The following ZNF610 variants were observed in gnomAD, a reference collection of about 807,000 sequenced individuals.
ZNF610 encodes the protein zink finger protein.
ZNF610 carries 14 observed loss-of-function variants against 14.1 expected under a neutral mutation model. That is an observed-to-expected ratio of 0.99 (90% CI 0.65 to 1.55). The LOEUF is 1.55. ZNF610 is among the 40% of genes most tolerant of loss of function. ZNF610 has a pLI of 0.00. For missense variants in ZNF610, 530 were observed against 558.0 expected (o/e 0.95, Z 0.51); for synonymous variants, 185 against 187.6 (o/e 0.99, Z 0.11).
At position 52,366,511 on chromosome 19, in the gene ZNF610, G is replaced by A. The variant is rs1432622295; in HGVS notation, c.1133G>A (p.Gly378Glu). Residue 378 changes from glycine to glutamate, a missense_variant, in exon 6 of 6, where the codon GGA becomes GAA. Physicochemically the swap from Gly to Glu is moderately conservative, Grantham distance 98. Coordinates refer to ENST00000403906, the MANE Select transcript of ZNF610 (RefSeq NM_001161425.2). ...AAGCCCTACAAATGTAACGAATGTG[G>A]AAGAGCATTTCACAAGCGTCCGGGC... is the stretch of plus-strand genomic sequence containing the variant. ...TEKPYKCNEC[G>E]RAFHKRPGLM... The A allele has an allele frequency of 1.2e-6, 2 of 1,614,018 alleles. No individual in the cohort carries two copies. Among genetic ancestry groups the A allele is most frequent in the African/African-American group, 1.3e-5 (1 of 74,888 alleles).
chr19:52,331,031 A>G, the ZNF610 span, among the ~76,000 whole-genome samples: 1 of 152,206 alleles, frequency 6.6e-6, no homozygotes, highest in African/African-American at 2.4e-5. Context: ...AAGGAGGTGG[A>G]ATACACATAA....
At chr19:52,354,865 C>A (rs1292699734) in intron 5 of ZNF610, among the ~76,000 whole-genome samples, 5 of 152,014 alleles carry the variant, frequency 3.3e-5, no homozygotes, top group African/African-American at 9.7e-5. Context: ...AGACGTGAGC[C>A]ACCACACCCA....
rs1289137614 is a variant in ZNF610, at chr19:52,354,243, A to C, written c.191-8A>C. 1.2e-6 allele frequency: 2 copies of C among 1,612,690 alleles called. No homozygotes were observed. Among genetic ancestry groups the C allele is most frequent in the Non-Finnish European group, 1.7e-6 (2 of 1,179,596 alleles). Reference sequence around the variant, plus strand: ...CAGCACATCTTGTTTCTTTCTTTTTATTAACAGGAATCTGTCTTCCTGACC... The same window carrying C: ...CAGCACATCTTGTTTCTTTCTTTTTCTTAACAGGAATCTGTCTTCCTGACC... On this transcript the variant is annotated splice_region_variant and splice_polypyrimidine_tract_variant and intron_variant, in intron 4 of 5. Transcript: ENST00000403906.
chr19:52,337,037 A>T (rs1312726939), intron 1 of ZNF610, among the ~76,000 whole-genome samples: 1 of 152,214 alleles, frequency 6.6e-6, no homozygotes, highest in Non-Finnish European at 1.5e-5. Context: ...TAGCTGAGAG[A>T]TTTACAGAGA....
At chr19:52,360,518 A>G (rs939714805) in intron 5 of ZNF610, among the ~76,000 whole-genome samples, 5 of 152,224 alleles carry the variant, frequency 3.3e-5, no homozygotes, top group Admixed American at 6.5e-5. Flanking sequence ...CATTATTTCA[A>G]CACTGAGTAT....
chr19:52,364,039 A>G lies in ZNF610; in HGVS notation c.320-1659A>G, dbSNP rs1298331377. ...TGTAGATTTTCCTCTTGTGGTTAAGATTGAAGTTACATAAAACATTGTAAC... is the reference window on the plus strand; with the variant it reads ...TGTAGATTTTCCTCTTGTGGTTAAGGTTGAAGTTACATAAAACATTGTAAC... On this transcript the variant is annotated intron_variant, in intron 5 of 5. Transcript: ENST00000403906. Among the ~76,000 whole-genome samples, 3 of 152,188 alleles carry G rather than the reference A, an allele frequency of 2.0e-5. No individual in the cohort carries two copies. The East Asian group carries it at 5.8e-4, about 29-fold the overall frequency.
intron 3 of ZNF610, among the ~76,000 whole-genome samples, chr19:52,351,504 C>T (rs992124315): frequency 1.3e-5 from 2 of 149,652 alleles, no homozygotes; most frequent in African/African-American, 2.4e-5. Context: ...TTTTTTGTGC[C>T]TGGCGTGGTT....
intron 3 of ZNF610, among the ~76,000 whole-genome samples, chr19:52,351,669 G>A (rs1039322801): frequency 6.6e-6 from 1 of 152,130 alleles, no homozygotes; most frequent in African/African-American, 2.4e-5. Flanking sequence ...CTGCTCTGCA[G>A]CCTGTGTGAG....
In ZNF610 at chr19:52,336,628, C is replaced by G. The variant is rs190568336; in HGVS notation, c.-258+122C>G. ...TCCCGCCCGGGGAGCCTCCCAACCT[C>G]GCCCCCGGCCCCTGAAGCGCAGCGC... On this transcript the variant is annotated intron_variant, in intron 1 of 5. Coordinates refer to ENST00000403906, the MANE Select transcript of ZNF610 (RefSeq NM_001161425.2). 579 of 155,328 alleles carry G rather than the reference C, an allele frequency of 3.7e-3. 8 individuals are homozygous for G. Among genetic ancestry groups the G allele is most frequent in the Middle Eastern group, 0.016 (5 of 310 alleles). 9.6% of individuals were successfully genotyped at this position (155,328 alleles called of 1,614,324 possible). A position where few individuals can be genotyped will look rare whatever the true frequency, so the allele number is the denominator to read the frequency against.
At chr19:52,362,897 G>A (rs1985849129) in intron 5 of ZNF610, among the ~76,000 whole-genome samples, 1 of 152,132 alleles carries the variant, frequency 6.6e-6, no homozygotes, top group South Asian at 2.1e-4. Flanking sequence ...GATGTGTTGT[G>A]TATACGTCTG....
intron 1 of ZNF610, among the ~76,000 whole-genome samples, chr19:52,343,796 C>G (rs917958833): frequency 1.3e-5 from 2 of 152,148 alleles, no homozygotes; most frequent in African/African-American, 4.8e-5. Context: ...CATTGGAGAA[C>G]AGCTGGCATA....
At chr19:52,363,490 T>C (rs543351888) in intron 5 of ZNF610, among the ~76,000 whole-genome samples, 1 of 152,332 alleles carries the variant, frequency 6.6e-6, no homozygotes, top group Non-Finnish European at 1.5e-5. Context: ...ATCGTGGAGC[T>C]ATCTGTTTCT....
chr19:52,336,471 A>G lies in ZNF610; in HGVS notation c.-293A>G, dbSNP rs1017304952. ...CCCTGTGTGTTAAAATCGCTCGGCG[A>G]CGGGTCCTGTCCCCGCTCGTTCTGC... On this transcript the variant is annotated 5_prime_UTR_variant, in exon 1 of 6. Transcript: ENST00000403906. 1 of 167,314 alleles carries G rather than the reference A, an allele frequency of 6.0e-6. No homozygotes were observed. Among genetic ancestry groups the G allele is most frequent in the Non-Finnish European group, 1.3e-5 (1 of 77,914 alleles). The allele number at this position is 167,314 out of a possible 1,614,324, so 10.4% of individuals were successfully genotyped here. A position where few individuals can be genotyped will look rare whatever the true frequency, so the allele number is the denominator to read the frequency against.
upstream of ZNF610, among the ~76,000 whole-genome samples, chr19:52,335,067 T>TG (rs3029517): frequency 1.3e-3 from 199 of 149,782 alleles, no homozygotes; most frequent in Middle Eastern, 0.01. Context: ...GGCCGGGGCG[T>TG]GGGGGGGGGG....
At position 52,349,168 on chromosome 19, in the gene ZNF610, C is replaced by CA; in HGVS notation, c.-4dup. The CA allele has an allele frequency of 6.2e-7, 1 of 1,612,612 alleles. No individual in the cohort carries two copies. Among genetic ancestry groups the CA allele is most frequent in the South Asian group, 1.1e-5 (1 of 91,046 alleles). On this transcript the variant is annotated 5_prime_UTR_variant, in exon 3 of 6. Transcript: ENST00000403906. ...TTGACATTTAGGATTGACTTATAAA[C>CA]AGTCATGCTATGTGATGAAGAAGCC...
In ZNF610 at chr19:52,363,791, TG is replaced by T. The variant is rs560025489; in HGVS notation, c.320-1905del. Among the ~76,000 whole-genome samples, 133 of 152,336 alleles carry T rather than the reference TG, an allele frequency of 8.7e-4. 2 individuals are homozygous for T. The South Asian group carries it at 0.027, about 31-fold the overall frequency. On this transcript the variant is annotated intron_variant, in intron 5 of 5. Coordinates refer to ENST00000403906, the MANE Select transcript of ZNF610 (RefSeq NM_001161425.2). ...GAGTCTGTCGTGGATAGGATTTAGT[TG>T]GATCCTGTTTTGTTCTGATTCCAAT... is the stretch of plus-strand genomic sequence containing the variant.
chr19:52,340,256 T>C (rs532900034), intron 1 of ZNF610, among the ~76,000 whole-genome samples: 1 of 152,212 alleles, frequency 6.6e-6, no homozygotes, highest in East Asian at 1.9e-4. Flanking sequence ...TAGTGGCTTG[T>C]GCCTGTAATC....
At position 52,354,580 on chromosome 19, in the gene ZNF610, ATTTTT is replaced by A. The variant is rs201439857; in HGVS notation, c.319+221_319+225del. Among the ~76,000 whole-genome samples the A allele has an allele frequency of 4.9e-5, 6 of 123,656 alleles. No homozygotes were observed. The East Asian group carries it at 1.3e-3, about 28-fold the overall frequency. 81.1% of individuals were successfully genotyped at this position (123,656 alleles called of 152,430 possible). A position where few individuals can be genotyped will look rare whatever the true frequency, so the allele number is the denominator to read the frequency against. On this transcript the variant is annotated intron_variant, in intron 5 of 5. Coordinates refer to ENST00000403906, the MANE Select transcript of ZNF610 (RefSeq NM_001161425.2). ...CCACTGCACCTTGCAAAGCCATACTATTTTTTTTTTTTTTTTTTTTTTTTGTCTCA... is the reference window on the plus strand; with the variant it reads ...CCACTGCACCTTGCAAAGCCATACTATTTTTTTTTTTTTTTTTTTGTCTCA...
At chr19:52,363,367 G>A (rs1985877168) in intron 5 of ZNF610, among the ~76,000 whole-genome samples, 1 of 152,176 alleles carries the variant, frequency 6.6e-6, no homozygotes, top group Admixed American at 6.5e-5. Context: ...CTGGCCTCAA[G>A]TGATCCTCCT....
Sources: allele counts gnomAD v4.1 joint callset (sites outside exome capture counted in the v4.1 genomes callset), GRCh38; gene constraint gnomAD v4.1.1; transcripts MANE v1.5; gene names NCBI Gene and HGNC (gene_info 2026-07-23, HGNC 2026-07-21).